Variants in INSIG1 observed in about 807,000 individuals in gnomAD.
INSIG1 encodes the protein insulin-induced gene 1 protein.
A neutral mutation model predicts 26.5 loss-of-function variants in INSIG1; 14 were observed. The ratio of observed to expected loss-of-function variants is 0.53; its 90% CI spans 0.35 to 0.83. The LOEUF (loss-of-function observed/expected upper bound fraction) is 0.83. INSIG1 is among the 40% of genes least tolerant of loss of function. INSIG1 has a pLI of 0.01. For missense variants in INSIG1, 272 were observed against 368.9 expected (o/e 0.74, Z 2.15); for synonymous variants, 147 against 153.3 (o/e 0.96, Z 0.30).
chr7:155,303,845 G>T (rs200710774), intron 5 of INSIG1: 147 of 1,365,912 alleles, frequency 1.1e-4, no homozygotes, highest in Non-Finnish European at 1.1e-4. Context: ...TCTGTGAGGA[G>T]TTGAATTTGA....
chr7:155,305,308 C>CT (rs576023165), intron 5 of INSIG1, among the ~76,000 whole-genome samples: 1 of 152,160 alleles, frequency 6.6e-6, no homozygotes, highest in Non-Finnish European at 1.5e-5. Context: ...AACTGTTACT[C>CT]TTTTTTTCAC....
chr7:155,303,047 G>C (rs1450094036), intron 5 of INSIG1: 8 of 463,906 alleles, frequency 1.7e-5, no homozygotes, highest in Non-Finnish European at 2.3e-5. Flanking sequence ...CATAATATTT[G>C]ATCTAGAAAA....
Position 155,302,246 on chromosome 7 carries a change from A to G in INSIG1, c.538-5A>G, listed in dbSNP as rs1226702849. ...CAAACTTTTCCTTAACTTTTATATC[A>G]CCAGAAATTGGATTTTGCCAATAAT... On this transcript the variant is annotated splice_polypyrimidine_tract_variant and splice_region_variant and intron_variant, in intron 3 of 5. Transcript: ENST00000340368. This position sits in a 1 kb window ranked among gnomAD's most constrained non-coding sequence, Gnocchi z 4.3. 1 of 1,546,910 alleles carries G rather than the reference A, an allele frequency of 6.5e-7. No homozygotes were observed.
intron 1 of INSIG1, 95 bp downstream of exon 1, chr7:155,298,054 C>T: frequency 5.0e-6 from 2 of 398,394 alleles, no homozygotes; most frequent in Admixed American, 4.6e-5. Flanking sequence ...CCTGTTGGGT[C>T]TTTGGGACGC....
rs1395470747 is a variant in INSIG1 at position 155,299,484 on chromosome 7, GT to G, written c.412+788del. ...CAGCAGATCACTTACTGCTCCTGTA[GT>G]CACACAGCATTTGTTTATTTAACGA... is the stretch of plus-strand genomic sequence containing the variant. On this transcript the variant is annotated intron_variant, in intron 2 of 5. Coordinates refer to ENST00000340368, the MANE Select transcript of INSIG1 (RefSeq NM_005542.6). Among the ~76,000 whole-genome samples the G allele has an allele frequency of 1.2e-4, 19 of 152,290 alleles. No individual in the cohort carries two copies. The East Asian group carries it at 3.3e-3, about 26-fold the overall frequency.
chr7:155,299,747 A>G (rs1797735102), intron 2 of INSIG1, among the ~76,000 whole-genome samples: 1 of 152,198 alleles, frequency 6.6e-6, no homozygotes, highest in African/African-American at 2.4e-5. Context: ...CCTTACAGCA[A>G]TACCATGTGT....
intron 5 of INSIG1, among the ~76,000 whole-genome samples, chr7:155,303,293 T>G (rs1797840075): frequency 6.6e-6 from 1 of 152,228 alleles, no homozygotes; most frequent in Non-Finnish European, 1.5e-5. Context: ...GCTGGCCTCT[T>G]AGTCCACAGT....
At chr7:155,299,966 T>C (rs527272212) in intron 2 of INSIG1, among the ~76,000 whole-genome samples, 97 of 152,200 alleles carry the variant, frequency 6.4e-4, no homozygotes, top group Non-Finnish European at 1.2e-3. Flanking sequence ...GGGCTCCGTG[T>C]TGAAGAACTA....
chr7:155,302,196 G>A lies in INSIG1; in HGVS notation c.538-55G>A, dbSNP rs76899936. ...ATGTTTTTAACCCTTGTGGTTTTAC[G>A]TTTTTTTATCTTAATAAGAGTCAGC... On this transcript the variant is annotated intron_variant, in intron 3 of 5. Transcript: ENST00000340368. The surrounding 1 kb of genome is among the most constrained non-coding windows in gnomAD (Gnocchi z 4.3). 1.6e-3 allele frequency: 2,221 copies of A among 1,424,582 alleles called. 33 individuals carry two copies. The African/African-American group carries it at 0.023, about 15-fold the overall frequency. The allele number at this position is 1,424,582 out of a possible 1,614,324, so 88.2% of individuals were successfully genotyped here. A position where few individuals can be genotyped will look rare whatever the true frequency, so the allele number is the denominator to read the frequency against.
At chr7:155,300,392 C>G (rs2150895020) in intron 2 of INSIG1, among the ~76,000 whole-genome samples, 1 of 152,206 alleles carries the variant, frequency 6.6e-6, no homozygotes, top group East Asian at 1.9e-4. Context: ...TTTTTCAGAA[C>G]TCCAAAATTA....
intron 2 of INSIG1, 127 bp downstream of exon 2, chr7:155,298,824 G>A: frequency 2.0e-6 from 2 of 1,000,930 alleles, no homozygotes; most frequent in Non-Finnish European, 2.9e-6. Flanking sequence ...TGCATCTCCA[G>A]TCTTGGGATT....
Position 155,302,560 on chromosome 7 carries a change from G to T in INSIG1, c.704+143G>T. 9.7e-7 allele frequency: 1 copy of T among 1,031,380 alleles called. No homozygotes were observed. The allele number at this position is 1,031,380 out of a possible 1,614,324, so 63.9% of individuals were successfully genotyped here. On this transcript the variant is annotated intron_variant, in intron 4 of 5. Coordinates refer to ENST00000340368, the MANE Select transcript of INSIG1 (RefSeq NM_005542.6). The surrounding 1 kb of genome is among the most constrained non-coding windows in gnomAD (Gnocchi z 4.3). Reference sequence around the variant, plus strand: ...TAGGCATGAAATTCTCAAAAATGCTGCTATCCATAACTTAATGTAACGCAA... The same window carrying T: ...TAGGCATGAAATTCTCAAAAATGCTTCTATCCATAACTTAATGTAACGCAA...
intron 1 of INSIG1, 36 bp from the exon 2 acceptor site, chr7:155,298,223 C>T (rs1585199369): frequency 7.2e-7 from 1 of 1,388,594 alleles, no homozygotes; most frequent in African/African-American, 1.5e-5. Context: ...CGCTCTTTGT[C>T]TCTTCTGAGT....
Position 155,302,931 on chromosome 7 carries a change from G to A in INSIG1, c.804+85G>A, listed in dbSNP as rs142549077. The A allele has an allele frequency of 1.1e-3, 1,061 of 925,014 alleles. 5 individuals carry two copies. The highest frequency in any genetic ancestry group is 3.1e-3 in the Middle Eastern group (12 of 3,878). 57.3% of individuals were successfully genotyped at this position (925,014 alleles called of 1,614,324 possible). ...CTTTACATGATACATTCAAATTTGC[G>A]TTCATATATTCTGGTTCAGACTTGA... On this transcript the variant is annotated intron_variant, in intron 5 of 5. Transcript: ENST00000340368. This position sits in a 1 kb window ranked among gnomAD's most constrained non-coding sequence, Gnocchi z 4.3.
At chr7:155,303,770 A>C in intron 5 of INSIG1, 1 of 1,020,266 alleles carries the variant, frequency 9.8e-7, no homozygotes, top group Non-Finnish European at 1.4e-6. Flanking sequence ...AGCTCTGGGA[A>C]AACTTATCTT....
intron 3 of INSIG1, 94 bp downstream of exon 3, chr7:155,301,784 A>G (rs1210133364): frequency 1.3e-5 from 16 of 1,202,626 alleles, no homozygotes; most frequent in Non-Finnish European, 1.8e-5. Context: ...ACTCCATGTC[A>G]TAATACAGAC....
At chr7:155,306,549 A>G (rs540806615) in intron 5 of INSIG1, among the ~76,000 whole-genome samples, 1 of 152,354 alleles carries the variant, frequency 6.6e-6, no homozygotes, top group Admixed American at 6.5e-5. Flanking sequence ...TGCTAATGAT[A>G]ATAATACTAT....
chr7:155,298,030 A>T (rs1022289503), intron 1 of INSIG1, 71 bp downstream of exon 1: 3 of 347,208 alleles, frequency 8.6e-6, no homozygotes, highest in Non-Finnish European at 1.5e-5. Flanking sequence ...CCCCGGAGGT[A>T]GGCGGGCGCG....
chr7:155,308,217 T>C (rs202197180), intron 5 of INSIG1, 24 bp from the exon 6 acceptor site: 15 of 1,252,856 alleles, frequency 1.2e-5, no homozygotes, highest in Non-Finnish European at 1.7e-5. Flanking sequence ...TCTCTTTCCT[T>C]TTTTTTTTCC....
Sources: gnomAD v4.1 joint callset for allele counts (sites outside exome capture counted in the v4.1 genomes callset) on GRCh38, gnomAD v4.1.1 for gene constraint, Gnocchi (gnomAD v3.1) non-coding constraint, MANE v1.5 for transcripts, NCBI Gene and HGNC (gene_info 2026-07-23, HGNC 2026-07-21) for gene names.